Variants in ANKS6 observed in about 807,000 individuals in gnomAD.
ANKS6 encodes ankyrin repeat and sterile alpha motif domain containing 6, also known as ankyrin repeat and SAM domain-containing protein 6.
Under a neutral mutation model 77.9 loss-of-function variants are expected in ANKS6, and 47 were observed. The ratio of observed to expected loss-of-function variants is 0.60; its 90% confidence interval spans 0.48 to 0.77. ANKS6 has a LOEUF of 0.77. Ranked by LOEUF, ANKS6 falls within the 30% of genes least tolerant of loss-of-function variation. The probability of loss-of-function intolerance (pLI) is 0.00; values close to 1 mark genes in which losing one functional copy is unlikely to be tolerated. For missense variants in ANKS6, 1,150 were observed against 1,159.1 expected, an observed-to-expected ratio of 0.99 and a Z score of 0.11; for synonymous variants, 488 against 501.7, an observed-to-expected ratio of 0.97 and a Z score of 0.37.
intron 8 of ANKS6, 125 bp downstream of exon 8, chr9:98,777,280 T>A (rs1468519962): frequency 2.9e-6 from 3 of 1,035,272 alleles, no homozygotes; most frequent in Non-Finnish European, 4.4e-6. Flanking sequence ...CTGTTACACA[T>A]TCTCATCACC....
rs201515141 is a variant in ANKS6, at chr9:98,751,050, C to A, written c.2373G>T (p.Gln791His). The stretch of plus-strand genomic sequence containing the variant: ...TTACCTCTTGTTCCTCAAAAATGGG[C>A]TGATATTTCTCAAGTGATAATTTCT... ...ILKKLSLEKY[Q>H]PIFEEQEVDM... The change falls in exon 13 of 15, where the codon CAG (glutamine) becomes CAT (histidine). Residue 791 changes from glutamine to histidine, a missense_variant. By Grantham distance (24) the Gln-to-His change is conservative (BLOSUM62 0). Transcript: ENST00000353234. 67 of 1,610,242 alleles carry A rather than the reference C, an allele frequency of 4.2e-5. No homozygotes were observed. Among genetic ancestry groups the A allele is most frequent in the Non-Finnish European group, 5.0e-5 (59 of 1,178,726 alleles).
At chr9:98,783,195 G>A (rs934007545) in intron 4 of ANKS6, among the ~76,000 whole-genome samples, 1 of 152,144 alleles carries the variant, frequency 6.6e-6, no homozygotes, top group Non-Finnish European at 1.5e-5. Context: ...TGACCCCATG[G>A]AGACTCCACT....
Position 98,734,649 on chromosome 9 carries a change from G to A in ANKS6, c.*1870C>T, listed in dbSNP as rs1453194570. On this transcript the variant is annotated 3_prime_UTR_variant, in exon 15 of 15. Coordinates refer to ENST00000353234, the MANE Select transcript of ANKS6 (RefSeq NM_173551.5). ...ACCCCAGATCTGCTCCTTCTGGGCT[G>A]TTTAACTGGCAAGCTGCTTCCCTCT... is the stretch of plus-strand genomic sequence containing the variant. The A allele has an allele frequency of 1.1e-6, 1 of 947,568 alleles. No individual in the cohort carries two copies. The highest frequency in any genetic ancestry group is 1.2e-4 in the East Asian group (1 of 8,636). 58.7% of individuals were successfully genotyped at this position (947,568 alleles called of 1,614,324 possible). A position where few individuals can be genotyped will look rare whatever the true frequency, so the allele number is the denominator to read the frequency against.
chr9:98,777,521 T>A (rs1234261055), intron 7 of ANKS6, 67 bp from the exon 8 acceptor site: 2 of 1,498,124 alleles, frequency 1.3e-6, no homozygotes, highest in South Asian at 1.2e-5. Flanking sequence ...GATGAGTGAC[T>A]GGGGCAGGCT....
At chr9:98,747,489 G>C (rs1832199160) in intron 13 of ANKS6, among the ~76,000 whole-genome samples, 1 of 152,004 alleles carries the variant, frequency 6.6e-6, no homozygotes, top group African/African-American at 2.4e-5. Context: ...CACCTCTCTG[G>C]CAACAGTAAG....
At position 98,791,099 on chromosome 9, in the gene ANKS6, C is replaced by T. The variant is rs146160954; in HGVS notation, c.360-493G>A. ...GGTCAGGACAGGTCTGTGTGAATGC[C>T]GCTGCCCTTGCTTTTTCTCTTACAC... On this transcript the variant is annotated intron_variant, in intron 1 of 14. Transcript: ENST00000353234. This position sits in a 1 kb window ranked among gnomAD's most constrained non-coding sequence, Gnocchi z 4.3. 6.6e-6 allele frequency among the ~76,000 whole-genome samples: 1 copy of T among 152,290 alleles called. No homozygotes were observed. Among genetic ancestry groups the T allele is most frequent in the Non-Finnish European group, 1.5e-5 (1 of 68,024 alleles).
chr9:98,743,028 C>A (rs2131928574), intron 14 of ANKS6, among the ~76,000 whole-genome samples: 1 of 152,290 alleles, frequency 6.6e-6, no homozygotes. Context: ...TGATCCTGGG[C>A]CAAGGAGGCC....
In ANKS6 at chr9:98,732,766, A is replaced by G; in HGVS notation, c.*3753T>C. On this transcript the variant is annotated 3_prime_UTR_variant, in exon 15 of 15. Transcript: ENST00000353234. ...AGAAGAAACGTGCTCAACATCACGC[A>G]GCACTAGGTCTATGTCCAGTGCTCT... 1 of 1,415,702 alleles carries G rather than the reference A, an allele frequency of 7.1e-7. No homozygotes were observed. Among genetic ancestry groups the G allele is most frequent in the Non-Finnish European group, 9.2e-7 (1 of 1,087,414 alleles). 87.7% of individuals were successfully genotyped at this position (1,415,702 alleles called of 1,614,324 possible). A position where few individuals can be genotyped will look rare whatever the true frequency, so the allele number is the denominator to read the frequency against.
intron 14 of ANKS6, among the ~76,000 whole-genome samples, chr9:98,743,273 C>T (rs548047480): frequency 2.6e-5 from 4 of 151,974 alleles, no homozygotes; most frequent in African/African-American, 4.8e-5. Context: ...AGCCCTCCCC[C>T]GCCCCACCAT....
chr9:98,758,288 G>A (rs1832822596), intron 11 of ANKS6, among the ~76,000 whole-genome samples: 1 of 146,792 alleles, frequency 6.8e-6, no homozygotes, highest in African/African-American at 2.5e-5. Flanking sequence ...GATCTTTCGG[G>A]TTGGCTCCTG....
At position 98,790,564 on chromosome 9, in the gene ANKS6, C is replaced by T; in HGVS notation, c.402G>A (p.Gly134=). 6.2e-7 allele frequency: 1 copy of T among 1,610,312 alleles called. No individual in the cohort carries two copies. Among genetic ancestry groups the T allele is most frequent in the Middle Eastern group, 1.7e-4 (1 of 6,054 alleles). Reference sequence around the variant, plus strand: ...GCCGGTTCTGGGCATTGACATCAGCCCCGTGATCCAACAGGAGGTGTGCCA... The same window carrying T: ...GCCGGTTCTGGGCATTGACATCAGCTCCGTGATCCAACAGGAGGTGTGCCA... ...VSVAHLLLDH[G]ADVNAQNRLG... Residue 134 remains glycine, a synonymous_variant, in exon 2 of 15, where the codon GGG becomes GGA. Coordinates refer to ENST00000353234, the MANE Select transcript of ANKS6 (RefSeq NM_173551.5).
At chr9:98,751,604 C>A (rs140179097) in intron 12 of ANKS6, among the ~76,000 whole-genome samples, 1 of 152,126 alleles carries the variant, frequency 6.6e-6, no homozygotes, top group African/African-American at 2.4e-5. Flanking sequence ...AAAAAGGCAT[C>A]TATGTGGAAC....
At chr9:98,784,766 A>G in intron 3 of ANKS6, 66 bp downstream of exon 3, 1 of 1,456,462 alleles carries the variant, frequency 6.9e-7, no homozygotes, top group Non-Finnish European at 9.5e-7. Context: ...AGGACTACAA[A>G]TATTAGGTTG....
rs1183083643 is a variant in ANKS6 at position 98,780,250 on chromosome 9, T to C, written c.1307A>G (p.His436Arg). Reference sequence around the variant, plus strand: ...GCTCCAGGGCTGTCGGACCTTCGAGTGGGGCAGGGGAGGCTGGTGGCTCGG... The same window carrying C: ...GCTCCAGGGCTGTCGGACCTTCGAGCGGGGCAGGGGAGGCTGGTGGCTCGG... ...GRPSHQPPLP[H>R]SKVRQPWSIP... The change falls in exon 6 of 15, where the codon CAC (histidine) becomes CGC (arginine). Residue 436 changes from histidine (H) to arginine (R), a missense_variant. Coordinates refer to ENST00000353234, the MANE Select transcript of ANKS6 (RefSeq NM_173551.5). 6.2e-7 allele frequency: 1 copy of C among 1,613,866 alleles called. No homozygotes were observed.
intron 14 of ANKS6, among the ~76,000 whole-genome samples, chr9:98,742,963 G>T (rs945230967): frequency 6.6e-6 from 1 of 152,228 alleles, no homozygotes; most frequent in Non-Finnish European, 1.5e-5. Context: ...TCACTCTGAT[G>T]ATGTCAGTTA....
intron 12 of ANKS6, among the ~76,000 whole-genome samples, chr9:98,751,441 G>A (rs995232298): frequency 1.3e-5 from 2 of 152,206 alleles, no homozygotes; most frequent in African/African-American, 4.8e-5. Context: ...CCTTCTGTGT[G>A]AGAAAGCACC....
At chr9:98,737,274 G>A (rs550967712) in intron 14 of ANKS6, among the ~76,000 whole-genome samples, 2 of 152,278 alleles carry the variant, frequency 1.3e-5, no homozygotes, top group East Asian at 1.9e-4. Flanking sequence ...CAATCAGACA[G>A]GAAGTCAAAC....
intron 10 of ANKS6, among the ~76,000 whole-genome samples, chr9:98,769,353 G>A (rs944337076): frequency 6.6e-6 from 1 of 152,048 alleles, no homozygotes; most frequent in Non-Finnish European, 1.5e-5. Context: ...CCTGATTCCA[G>A]CAAATTTAAA....
chr9:98,753,740 G>C (rs1832552822), intron 12 of ANKS6, among the ~76,000 whole-genome samples: 1 of 152,064 alleles, frequency 6.6e-6, no homozygotes, highest in Admixed American at 6.5e-5. Flanking sequence ...GCTGAGCAGA[G>C]ATGCGCAGTA....
Sources: allele counts gnomAD v4.1 joint callset (sites outside exome capture counted in the v4.1 genomes callset), GRCh38; gene constraint gnomAD v4.1.1; non-coding constraint Gnocchi (gnomAD v3.1); transcripts MANE v1.5; gene names NCBI Gene and HGNC (gene_info 2026-07-23, HGNC 2026-07-21).